Variants in ZNF626 observed in about 807,000 individuals in gnomAD.
The protein encoded by ZNF626 is zinc finger protein 626.
ZNF626 carries 4 observed loss-of-function variants against 11.7 expected under a neutral mutation model. The ratio of observed to expected loss-of-function variants is 0.34; its 90% CI spans 0.17 to 0.78. The LOEUF (loss-of-function observed/expected upper bound fraction) is 0.78, where lower values mean the gene tolerates loss of function less well. Among genes scored for constraint, ZNF626 ranks in the 30% least tolerant of loss-of-function variants. The pLI is 0.57. For missense variants in ZNF626, 588 were observed against 587.1 expected, an observed-to-expected ratio of 1.00 and a Z score of -0.01; for synonymous variants, 179 against 198.6, an observed-to-expected ratio of 0.90 and a Z score of 0.83.
At position 20,624,331 on chromosome 19, in the gene ZNF626, T is replaced by A; in HGVS notation, c.1546A>T (p.Lys516Ter). Reference sequence around the variant, plus strand: ...AAGGTGTGAGGACCGCTTGAAGGCTTTGCCACATTCTTCACATTTGTAGAA... The same window carrying A: ...AAGGTGTGAGGACCGCTTGAAGGCTATGCCACATTCTTCACATTTGTAGAA... Reference protein sequence around the residue: ...RNSTNVKNVAKPSSGPHTLLH... With the variant: ...RNSTNVKNVA Residue 516 changes from lysine to a stop codon, truncating the protein, a stop_gained, in exon 4 of 4, where the codon AAG becomes TAG. Transcript: ENST00000601440. LOFTEE classifies it low-confidence loss of function (END_TRUNC). The A allele has an allele frequency of 6.8e-7, 1 of 1,472,546 alleles. No individual in the cohort carries two copies. Among genetic ancestry groups the A allele is most frequent in the South Asian group, 1.3e-5 (1 of 77,744 alleles). 91.2% of individuals were successfully genotyped at this position (1,472,546 alleles called of 1,614,324 possible). A position where few individuals can be genotyped will look rare whatever the true frequency, so the allele number is the denominator to read the frequency against.
At position 20,625,369 on chromosome 19, in the gene ZNF626, T is replaced by A; in HGVS notation, c.508A>T (p.Lys170Ter). 1 of 1,614,048 alleles carries A rather than the reference T, an allele frequency of 6.2e-7. No individual in the cohort carries two copies. Among genetic ancestry groups the A allele is most frequent in the Non-Finnish European group, 8.5e-7 (1 of 1,180,018 alleles). Residue 170 changes from lysine to a stop codon, truncating the protein, a stop_gained, in exon 4 of 4, where the codon AAA (lysine) becomes TAA (stop). Coordinates refer to ENST00000601440, the MANE Select transcript of ZNF626 (RefSeq NM_001076675.3). LOFTEE classifies it low-confidence loss of function (END_TRUNC). ...CATTCTATATATTTGAAAGGTTTTT[T>A]CCCAGTATGTCCTCTCTTTTGTCCG... ...SNGQKRGHTGKKPFKYIECGK... is the reference protein window; with the variant it reads ...SNGQKRGHTG
At position 20,622,962 on chromosome 19, in the gene ZNF626, T is replaced by A. The variant is rs955153248; in HGVS notation, c.*1328A>T. 18 of 152,224 alleles carry A rather than the reference T, an allele frequency of 1.2e-4. No individual in the cohort carries two copies. The highest frequency in any genetic ancestry group is 4.3e-4 in the African/African-American group (18 of 41,542). 9.4% of individuals were successfully genotyped at this position (152,224 alleles called of 1,614,324 possible). On this transcript the variant is annotated 3_prime_UTR_variant, in exon 4 of 4. Coordinates refer to ENST00000601440, the MANE Select transcript of ZNF626 (RefSeq NM_001076675.3). ...TTGCAGGACCCTTCTCCAATATAAG[T>A]TCTCTGATGTTGAGCAAAGCTTGAG...
chr19:20,638,228 G>A (rs1555771105), intron 3 of ZNF626, among the ~76,000 whole-genome samples: 2 of 152,060 alleles, frequency 1.3e-5, no homozygotes, highest in Admixed American at 6.6e-5. Flanking sequence ...TTCAAGACCA[G>A]CCTGGCCAAC....
chr19:20,659,349 C>G (rs112260066), intron 1 of ZNF626, among the ~76,000 whole-genome samples: 5,239 of 152,202 alleles, frequency 0.034, 299 homozygotes, highest in African/African-American at 0.12. Context: ...AAGCAATTCT[C>G]CTGCCTCAGC....
chr19:20,660,510 T>G (rs1368123172), intron 1 of ZNF626, among the ~76,000 whole-genome samples: 1 of 152,192 alleles, frequency 6.6e-6, no homozygotes, highest in Non-Finnish European at 1.5e-5. Flanking sequence ...CACTGCAACT[T>G]CCGCCTCCCG....
At chr19:20,641,583 C>T (rs1970024927) in intron 3 of ZNF626, among the ~76,000 whole-genome samples, 1 of 152,066 alleles carries the variant, frequency 6.6e-6, no homozygotes, top group Non-Finnish European at 1.5e-5. Context: ...CTTAACATGC[C>T]TGAAATGAAC....
intron 3 of ZNF626, among the ~76,000 whole-genome samples, chr19:20,629,306 C>CA (rs1297015254): frequency 1.3e-5 from 2 of 152,080 alleles, no homozygotes; most frequent in Non-Finnish European, 2.9e-5. Context: ...TAGTTTTTTC[C>CA]AATTCTGTGA....
chr19:20,653,004 G>GA (rs1970164098), intron 1 of ZNF626, among the ~76,000 whole-genome samples: 2 of 152,182 alleles, frequency 1.3e-5, no homozygotes. Context: ...GCTGCCCTGT[G>GA]AAATTTATAG....
intron 1 of ZNF626, among the ~76,000 whole-genome samples, chr19:20,650,466 C>T (rs1381096008): frequency 2.6e-5 from 4 of 152,152 alleles, no homozygotes; most frequent in Admixed American, 2.0e-4. Context: ...AACTAAGACC[C>T]TATAACACAT....
chr19:20,638,106 T>C (rs1012971487), intron 3 of ZNF626, among the ~76,000 whole-genome samples: 7 of 152,030 alleles, frequency 4.6e-5, no homozygotes, highest in Non-Finnish European at 5.9e-5. Context: ...ATCAGCCTGG[T>C]TGACAGAGTG....
chr19:20,640,245 T>TTTAATTA (rs1290841415), intron 3 of ZNF626, among the ~76,000 whole-genome samples: 180 of 48,164 alleles, frequency 3.7e-3, no homozygotes, highest in African/African-American at 0.029. Context: ...AAATTATTAA[T>TTTAATTA]TTTAATTATT....
At chr19:20,629,291 T>C (rs1330896733) in intron 3 of ZNF626, among the ~76,000 whole-genome samples, 1 of 152,206 alleles carries the variant, frequency 6.6e-6, no homozygotes, top group Non-Finnish European at 1.5e-5. Context: ...ATATGAACTT[T>C]AAAGTAGTTT....
intron 3 of ZNF626, among the ~76,000 whole-genome samples, chr19:20,643,030 T>C (rs1038280609): frequency 6.6e-6 from 1 of 151,004 alleles, no homozygotes; most frequent in East Asian, 2.0e-4. Context: ...AAAAAAAAAT[T>C]TGTTGAAGTA....
intron 3 of ZNF626, among the ~76,000 whole-genome samples, chr19:20,642,238 G>T (rs1970031641): frequency 6.6e-6 from 1 of 152,150 alleles, no homozygotes; most frequent in Non-Finnish European, 1.5e-5. Flanking sequence ...TGTACAAACA[G>T]AATTGCAAAT....
At chr19:20,653,564 G>A (rs181549300) in intron 1 of ZNF626, among the ~76,000 whole-genome samples, 24 of 151,340 alleles carry the variant, frequency 1.6e-4, no homozygotes, top group Admixed American at 6.6e-4. Context: ...GGGAAGCAGA[G>A]GTTGCAGTGA....
chr19:20,644,987 A>AT (rs1555771761), intron 3 of ZNF626: 1 of 153,454 alleles, frequency 6.5e-6, no homozygotes, highest in Non-Finnish European at 1.4e-5. Flanking sequence ...TTGTCTATGA[A>AT]TTGAAAACAT....
Position 20,622,707 on chromosome 19 carries a change from TAAC to T in ZNF626, c.*1580_*1582del, listed in dbSNP as rs1340344890. The stretch of plus-strand genomic sequence containing the variant: ...ATTTATACAAACTTATATACAAATT[TAAC>T]AACTTTAGTTGTGAATTCATTTATA... On this transcript the variant is annotated 3_prime_UTR_variant, in exon 4 of 4. Coordinates refer to ENST00000601440, the MANE Select transcript of ZNF626 (RefSeq NM_001076675.3). 8 of 152,224 alleles carry T rather than the reference TAAC, an allele frequency of 5.3e-5. No homozygotes were observed. Among genetic ancestry groups the T allele is most frequent in the Admixed American group, 3.3e-4 (5 of 15,276 alleles). The allele number at this position is 152,224 out of a possible 1,614,324, so 9.4% of individuals were successfully genotyped here.
chr19:20,657,850 A>C (rs1382041868), intron 1 of ZNF626, among the ~76,000 whole-genome samples: 1 of 152,162 alleles, frequency 6.6e-6, no homozygotes, highest in African/African-American at 2.4e-5. Flanking sequence ...AAATTAATGC[A>C]GAAACAGAAA....
rs8110802 is a variant in ZNF626, at chr19:20,625,608, C to T, written c.269G>A (p.Ser90Asn). ...CACTTTTTGGAAAGAATCTTTCATG[C>T]TCTGCTCTGGCCAAAGGTCTTGGGC... ...HFAQDLWPEQ[S>N]MKDSFQKVVL... The change falls in exon 4 of 4, where the codon AGC becomes AAC. Residue 90 changes from serine to asparagine, a missense_variant. Around this residue, in one of 4 missense-constraint regions of ZNF626, gnomAD observed 524 missense variants for 470.1 expected, o/e 1.11. Coordinates refer to ENST00000601440, the MANE Select transcript of ZNF626 (RefSeq NM_001076675.3). 0.02 allele frequency: 32,173 copies of T among 1,587,610 alleles called. 2,023 individuals are homozygous for T. The African/African-American group carries it at 0.23, about 11-fold the overall frequency.
Sources: allele counts gnomAD v4.1 joint callset (sites outside exome capture counted in the v4.1 genomes callset), GRCh38; gene constraint gnomAD v4.1.1; regional missense constraint gnomAD v4.1.1; transcripts MANE v1.5; gene names NCBI Gene and HGNC (gene_info 2026-07-23, HGNC 2026-07-21).